IMMP2L: variants seen among roughly 807,000 people sequenced by gnomAD.
The protein encoded by IMMP2L is inner mitochondrial membrane peptidase subunit 2.
Under a neutral mutation model 19.3 loss-of-function variants are expected in IMMP2L, and 18 were observed. The observed-to-expected ratio is 0.93, with a 90% CI of 0.64 to 1.38. IMMP2L has a LOEUF of 1.38. IMMP2L is among the 40% of genes most tolerant of loss of function. The pLI, the probability that IMMP2L is intolerant of heterozygous loss-of-function variation, is 0.00. For synonymous variants in IMMP2L, 76 were observed against 73.0 expected (o/e 1.04, Z -0.21); for missense variants, 233 against 218.2 (o/e 1.07, Z -0.43).
chr7:110,717,448 G>A (rs776418007), intron 5 of IMMP2L, among the ~76,000 whole-genome samples: 40 of 152,224 alleles, frequency 2.6e-4, no homozygotes, highest in Non-Finnish European at 4.3e-4. Flanking sequence ...CTGGACAACA[G>A]AGCAAGACTA....
At chr7:111,014,094 T>C (rs928429271) in intron 3 of IMMP2L, among the ~76,000 whole-genome samples, 1 of 152,138 alleles carries the variant, frequency 6.6e-6, no homozygotes, top group African/African-American at 2.4e-5. Flanking sequence ...CCAGGTGTGG[T>C]GCCTCACGCC....
intron 5 of IMMP2L, among the ~76,000 whole-genome samples, chr7:110,730,662 T>C (rs367896062): frequency 2.5e-4 from 38 of 152,160 alleles, no homozygotes; most frequent in South Asian, 1.5e-3. Context: ...GCAGCTGGGA[T>C]TACAGGCGCC....
intron 3 of IMMP2L, among the ~76,000 whole-genome samples, chr7:111,137,475 TAGTA>T (rs1802459444): frequency 6.6e-6 from 1 of 152,206 alleles, no homozygotes; most frequent in Admixed American, 6.5e-5. Context: ...TTTATCTACT[TAGTA>T]AGATCATTTT....
chr7:110,813,276 T>C (rs935843700), intron 5 of IMMP2L, among the ~76,000 whole-genome samples: 2 of 152,058 alleles, frequency 1.3e-5, no homozygotes, highest in Non-Finnish European at 2.9e-5. Flanking sequence ...TGAGCAAAAA[T>C]TGAAGTCAAA....
chr7:111,528,960 T>C (rs1005573303), intron 1 of IMMP2L, among the ~76,000 whole-genome samples: 1 of 152,148 alleles, frequency 6.6e-6, no homozygotes, highest in African/African-American at 2.4e-5. Context: ...AGTCAGTATA[T>C]GTGTACCTAC....
At chr7:111,223,864 T>G (rs1464581323) in intron 3 of IMMP2L, among the ~76,000 whole-genome samples, 1 of 152,138 alleles carries the variant, frequency 6.6e-6, no homozygotes, top group Non-Finnish European at 1.5e-5. Context: ...TAGCTTCCAT[T>G]TCTTCAGTTA....
intron 3 of IMMP2L, among the ~76,000 whole-genome samples, chr7:111,285,292 T>G (rs1229737572): frequency 6.6e-6 from 1 of 152,214 alleles, no homozygotes; most frequent in East Asian, 1.9e-4. Flanking sequence ...CAGGACACCC[T>G]GTGAGGAAAA....
At chr7:111,277,615 C>T (rs1016507595) in intron 3 of IMMP2L, among the ~76,000 whole-genome samples, 2 of 148,838 alleles carry the variant, frequency 1.3e-5, no homozygotes, top group African/African-American at 4.9e-5. Flanking sequence ...GGCAAAGATG[C>T]AGCAGAAAAG....
intron 3 of IMMP2L, among the ~76,000 whole-genome samples, chr7:111,316,370 G>A (rs1824078646): frequency 6.6e-6 from 1 of 152,106 alleles, no homozygotes; most frequent in Admixed American, 6.6e-5. Flanking sequence ...CGAAAAAAGG[G>A]CCTGAAAACC....
At chr7:111,162,614 G>A (rs115695224) in intron 3 of IMMP2L, among the ~76,000 whole-genome samples, 8 of 151,928 alleles carry the variant, frequency 5.3e-5, no homozygotes, top group Non-Finnish European at 2.9e-5. Flanking sequence ...GAATCAAGGA[G>A]GATTCCAGAT....
At chr7:111,198,294 A>G (rs1238091774) in intron 3 of IMMP2L, among the ~76,000 whole-genome samples, 1 of 152,212 alleles carries the variant, frequency 6.6e-6, no homozygotes, top group Non-Finnish European at 1.5e-5. Flanking sequence ...TTAGAATCAT[A>G]TAATACTGTG....
chr7:111,547,319 T>C (rs1849015483), intron 1 of IMMP2L, among the ~76,000 whole-genome samples: 1 of 152,154 alleles, frequency 6.6e-6, no homozygotes, highest in African/African-American at 2.4e-5. Context: ...ACAATCACTG[T>C]TGCAAGTCAA....
intron 5 of IMMP2L, among the ~76,000 whole-genome samples, chr7:110,684,101 T>G (rs1487908377): frequency 2.0e-5 from 3 of 152,136 alleles, no homozygotes; most frequent in Non-Finnish European, 4.4e-5. Flanking sequence ...AGTTGAAATT[T>G]ATAAAATGAC....
At chr7:111,274,643 A>T (rs1818824322) in intron 3 of IMMP2L, among the ~76,000 whole-genome samples, 1 of 152,212 alleles carries the variant, frequency 6.6e-6, no homozygotes, top group Non-Finnish European at 1.5e-5. Context: ...CTTTATTGCA[A>T]TTAACAAACA....
At chr7:111,104,755 A>C in intron 3 of IMMP2L, among the ~76,000 whole-genome samples, 1 of 151,828 alleles carries the variant, frequency 6.6e-6, no homozygotes, top group East Asian at 1.9e-4. Flanking sequence ...AATAAGCTGT[A>C]AGCTACACTT....
At chr7:111,370,761 AT>A (rs992159489) in intron 3 of IMMP2L, among the ~76,000 whole-genome samples, 10 of 151,694 alleles carry the variant, frequency 6.6e-5, no homozygotes, top group Non-Finnish European at 8.8e-5. Context: ...ATATAGCCAT[AT>A]TTTTTTTCTC....
intron 5 of IMMP2L, among the ~76,000 whole-genome samples, chr7:110,785,228 C>T (rs1168861293): frequency 6.6e-6 from 1 of 151,850 alleles, no homozygotes; most frequent in African/African-American, 2.4e-5. Context: ...GAAAAATATC[C>T]CTGAAACAAG....
intron 2 of IMMP2L, among the ~76,000 whole-genome samples, chr7:111,492,180 C>G (rs1035352755): frequency 1.3e-5 from 2 of 151,670 alleles, no homozygotes; most frequent in African/African-American, 4.8e-5. Context: ...TTTTTGAGAT[C>G]GAGCACTTTG....
intron 3 of IMMP2L, among the ~76,000 whole-genome samples, chr7:111,044,085 C>G (rs1792150724): frequency 6.6e-6 from 1 of 152,214 alleles, no homozygotes; most frequent in Non-Finnish European, 1.5e-5. Context: ...GAACCATTTT[C>G]AGTACAGTGA....
Sources: gnomAD v4.1 joint callset for allele counts (sites outside exome capture counted in the v4.1 genomes callset) on GRCh38, gnomAD v4.1.1 for gene constraint, MANE v1.5 for transcripts, NCBI Gene and HGNC (gene_info 2026-07-23, HGNC 2026-07-21) for gene names.